The following TMEM132D variants were observed in gnomAD, a reference collection of about 807,000 sequenced individuals.
TMEM132D encodes transmembrane protein 132D.
A neutral mutation model predicts 62.3 loss-of-function variants in TMEM132D; 21 were observed. That is an observed-to-expected ratio of 0.34 (90% CI 0.24 to 0.49). The LOEUF is 0.49. Ranked by LOEUF, TMEM132D falls within the 20% of genes least tolerant of loss-of-function variation. The probability of loss-of-function intolerance (pLI) is 0.99; values close to 1 mark genes in which losing one functional copy is unlikely to be tolerated. For synonymous variants in TMEM132D, 621 were observed against 575.6 expected (o/e 1.08, Z -1.13); for missense variants, 1,346 against 1,402.8 (o/e 0.96, Z 0.65).
At chr12:129,337,486 A>C in intron 4 of TMEM132D, 148 bp downstream of exon 4, 1 of 744,950 alleles carries the variant, frequency 1.3e-6, no homozygotes, top group Non-Finnish European at 2.2e-6. Flanking sequence ...ACGATTGGCT[A>C]TTGGCAGTCA....
At chr12:129,801,021 G>T (rs567787983) in intron 1 of TMEM132D, among the ~76,000 whole-genome samples, 4 of 152,322 alleles carry the variant, frequency 2.6e-5, no homozygotes, top group African/African-American at 9.6e-5. Flanking sequence ...CTTAAAAAAT[G>T]GCGCACCAGG....
chr12:129,620,106 C>T (rs773294290), intron 2 of TMEM132D, among the ~76,000 whole-genome samples: 4 of 152,294 alleles, frequency 2.6e-5, no homozygotes, highest in Non-Finnish European at 4.4e-5. Context: ...GGGCCATCTT[C>T]GATTCTGCAC....
chr12:129,384,520 T>A (rs1165192118), intron 3 of TMEM132D, among the ~76,000 whole-genome samples: 2 of 152,128 alleles, frequency 1.3e-5, no homozygotes, highest in Non-Finnish European at 2.9e-5. Flanking sequence ...CTGTGCTTTT[T>A]TTTTTTGGCT....
At chr12:129,289,547 TAAAAAAAAAAA>T (rs59709658) in intron 4 of TMEM132D, among the ~76,000 whole-genome samples, 16 of 92,200 alleles carry the variant, frequency 1.7e-4, no homozygotes, top group African/African-American at 5.7e-4. Flanking sequence ...TCCATCTCAA[TAAAAAAAAAAA>T]AAAAAAGAAA....
At chr12:129,605,024 T>C (rs1373842966) in intron 2 of TMEM132D, among the ~76,000 whole-genome samples, 1 of 152,240 alleles carries the variant, frequency 6.6e-6, no homozygotes, top group Non-Finnish European at 1.5e-5. Context: ...AGTATTTTCC[T>C]GTTCATTGTA....
chr12:129,161,484 C>G (rs940010675), intron 5 of TMEM132D, among the ~76,000 whole-genome samples: 1 of 152,116 alleles, frequency 6.6e-6, no homozygotes, highest in Non-Finnish European at 1.5e-5. Context: ...AGATTGCAGC[C>G]GTGGGGAGAT....
intron 1 of TMEM132D, among the ~76,000 whole-genome samples, chr12:129,824,145 C>A (rs2137327601): frequency 6.6e-6 from 1 of 152,152 alleles, no homozygotes; most frequent in Middle Eastern, 3.4e-3. Flanking sequence ...GGAAGCCCAC[C>A]AAAGCATACA....
intron 4 of TMEM132D, among the ~76,000 whole-genome samples, chr12:129,254,299 C>T (rs1880346494): frequency 6.6e-6 from 1 of 152,186 alleles, no homozygotes; most frequent in South Asian, 2.1e-4. Flanking sequence ...CATTGTAAAC[C>T]AGTATCAATA....
At chr12:129,653,984 G>T (rs1279142585) in intron 2 of TMEM132D, among the ~76,000 whole-genome samples, 5 of 152,116 alleles carry the variant, frequency 3.3e-5, no homozygotes, top group African/African-American at 9.7e-5. Flanking sequence ...AGTTGTGACT[G>T]CTTCTTAGAC....
rs1242467429 is a variant in TMEM132D at position 129,365,966 on chromosome 12, C to T, written c.1116-28149G>A. Among the ~76,000 whole-genome samples, 9 of 152,190 alleles carry T rather than the reference C, an allele frequency of 5.9e-5. No homozygotes were observed. The South Asian group carries it at 8.3e-4, about 14-fold the overall frequency. On this transcript the variant is annotated intron_variant, in intron 3 of 8. Coordinates refer to ENST00000422113, the MANE Select transcript of TMEM132D (RefSeq NM_133448.3). ...ACCCGCCCCGCACACCCACACCTACCGAGAGAGCAGTCCCTCAGAGGGAAC... is the reference window on the plus strand; with the variant it reads ...ACCCGCCCCGCACACCCACACCTACTGAGAGAGCAGTCCCTCAGAGGGAAC...
At chr12:129,177,837 A>G (rs1326358611) in intron 5 of TMEM132D, among the ~76,000 whole-genome samples, 1 of 152,184 alleles carries the variant, frequency 6.6e-6, no homozygotes, top group Non-Finnish European at 1.5e-5. Context: ...AATGTGTACC[A>G]TAGTGGTTTG....
intron 1 of TMEM132D, among the ~76,000 whole-genome samples, chr12:129,892,497 TTCTC>T (rs1022092095): frequency 2.0e-5 from 3 of 152,034 alleles, no homozygotes; most frequent in Non-Finnish European, 4.4e-5. Flanking sequence ...TTCTTCTTCT[TTCTC>T]TCCTCCCCTC....
intron 2 of TMEM132D, among the ~76,000 whole-genome samples, chr12:129,679,506 T>C (rs1229801381): frequency 1.3e-5 from 2 of 152,130 alleles, no homozygotes; most frequent in South Asian, 2.1e-4. Context: ...GGTCAGAATG[T>C]ATTCCTATAT....
intron 3 of TMEM132D, among the ~76,000 whole-genome samples, chr12:129,411,248 T>C (rs1257145169): frequency 6.6e-6 from 1 of 152,206 alleles, no homozygotes; most frequent in Non-Finnish European, 1.5e-5. Context: ...GATTGATGAA[T>C]TCGTTATCAC....
intron 3 of TMEM132D, among the ~76,000 whole-genome samples, chr12:129,497,589 T>A (rs1166015594): frequency 6.6e-6 from 1 of 152,200 alleles, no homozygotes; most frequent in African/African-American, 2.4e-5. Context: ...ATGGCAAATG[T>A]CTATCTAGGG....
intron 1 of TMEM132D, among the ~76,000 whole-genome samples, chr12:129,759,927 A>C (rs893635693): frequency 3.3e-5 from 5 of 151,002 alleles, no homozygotes; most frequent in Non-Finnish European, 5.9e-5. Context: ...TTTTTTTGAG[A>C]CAGGGTCTTG....
rs71082709 is a variant in TMEM132D, at chr12:129,420,306, G to GTTTTTTTTTTTTTTT, written c.1116-82504_1116-82490dup. Among the ~76,000 whole-genome samples, 51 of 112,302 alleles carry GTTTTTTTTTTTTTTT rather than the reference G, an allele frequency of 4.5e-4. 4 individuals are homozygous for GTTTTTTTTTTTTTTT. Among genetic ancestry groups the GTTTTTTTTTTTTTTT allele is most frequent in the East Asian group, 1.1e-3 (3 of 2,798 alleles). The allele number at this position is 112,302 out of a possible 152,430, so 73.7% of individuals were successfully genotyped here. On this transcript the variant is annotated intron_variant, in intron 3 of 8. Transcript: ENST00000422113. Reference sequence around the variant, plus strand: ...AATTTCAAATTATTGCACGTTCTCTGTTTTTTTTTTTTTTTTTTTTTTTTG... The same window carrying GTTTTTTTTTTTTTTT: ...AATTTCAAATTATTGCACGTTCTCTGTTTTTTTTTTTTTTTTTTTTTTTTTTTTTTTTTTTTTTTG...
chr12:129,715,716 A>G (rs188137507), intron 1 of TMEM132D, among the ~76,000 whole-genome samples: 21 of 152,346 alleles, frequency 1.4e-4, no homozygotes, highest in African/African-American at 4.3e-4. Context: ...AATGAGTTAA[A>G]TAACAAAGTT....
chr12:129,863,589 A>G (rs1873965635), intron 1 of TMEM132D, among the ~76,000 whole-genome samples: 1 of 152,216 alleles, frequency 6.6e-6, no homozygotes, highest in Admixed American at 6.5e-5. Context: ...AAGCCTTGCT[A>G]GTATTACCCT....
Sources: gnomAD v4.1 joint callset for allele counts (sites outside exome capture counted in the v4.1 genomes callset) on GRCh38, gnomAD v4.1.1 for gene constraint, MANE v1.5 for transcripts, NCBI Gene and HGNC (gene_info 2026-07-23, HGNC 2026-07-21) for gene names.